The following GRB10 variants were observed in gnomAD, a reference collection of about 807,000 sequenced individuals.
GRB10 encodes the protein growth factor receptor-bound protein 10.
Under a neutral mutation model 80.9 loss-of-function variants are expected in GRB10, and 20 were observed. The observed-to-expected ratio is 0.25, with a 90% CI of 0.17 to 0.36. The LOEUF is 0.36. GRB10 is among the 10% of genes least tolerant of loss of function. The pLI is 1.00. For synonymous variants in GRB10, 291 were observed against 291.5 expected, an observed-to-expected ratio of 1.00 and a Z score of 0.02; for missense variants, 548 against 747.7, an observed-to-expected ratio of 0.73 and a Z score of 3.12.
chr7:50,598,438 T>C (rs1163834907), intron 17 of GRB10, among the ~76,000 whole-genome samples: 1 of 152,136 alleles, frequency 6.6e-6, no homozygotes, highest in East Asian at 1.9e-4. Context: ...TAAGAATCGA[T>C]GCTAGGGATG....
At chr7:50,640,769 G>A (rs1455535670) in intron 7 of GRB10, among the ~76,000 whole-genome samples, 1 of 152,164 alleles carries the variant, frequency 6.6e-6, no homozygotes, top group African/African-American at 2.4e-5. Flanking sequence ...AGGAGTATGA[G>A]CTGAAGTTTT....
chr7:50,595,748 T>G, intron 17 of GRB10: 1 of 509,306 alleles, frequency 2.0e-6, no homozygotes, highest in Non-Finnish European at 3.6e-6. Context: ...TCATTCTCCA[T>G]TGGAAAAAAG....
chr7:50,792,873 C>G (rs1231792626), intron 1 of GRB10: 1 of 149,050 alleles, frequency 6.7e-6, no homozygotes, highest in African/African-American at 2.4e-5. Flanking sequence ...CCGCCGGCGT[C>G]TGACAAGATG....
chr7:50,665,293 G>C (rs140319821), intron 7 of GRB10, among the ~76,000 whole-genome samples: 3 of 152,222 alleles, frequency 2.0e-5, no homozygotes, highest in Non-Finnish European at 4.4e-5. Flanking sequence ...TCAGGTAAAC[G>C]CAAGACCAAT....
chr7:50,684,076 G>A (rs1221879727), intron 5 of GRB10, among the ~76,000 whole-genome samples: 6 of 152,060 alleles, frequency 3.9e-5, no homozygotes, highest in African/African-American at 7.2e-5. Flanking sequence ...GCAAAGTGCC[G>A]CCGCCAGTGG....
At chr7:50,645,696 A>C in intron 7 of GRB10, 1 of 831,476 alleles carries the variant, frequency 1.2e-6, no homozygotes, top group Non-Finnish European at 1.5e-6. Context: ...GGGTCTGTCC[A>C]TTTGCTCCCA....
chr7:50,647,394 C>T (rs2057354076), intron 7 of GRB10, among the ~76,000 whole-genome samples: 2 of 152,258 alleles, frequency 1.3e-5, no homozygotes, highest in Non-Finnish European at 2.9e-5. Context: ...TCAGATTGGC[C>T]GAACCTTTTC....
intron 3 of GRB10, among the ~76,000 whole-genome samples, chr7:50,745,607 T>C (rs2072756432): frequency 1.3e-5 from 2 of 152,232 alleles, no homozygotes; most frequent in Admixed American, 1.3e-4. Context: ...CTTTGCCGCC[T>C]AAAAATAGTG....
At chr7:50,607,226 C>T (rs1166069779) in intron 13 of GRB10, among the ~76,000 whole-genome samples, 1 of 152,198 alleles carries the variant, frequency 6.6e-6, no homozygotes, top group East Asian at 1.9e-4. Flanking sequence ...TAATTTTATG[C>T]AGTTCTGAGG....
chr7:50,792,502 T>A, intron 1 of GRB10: 1 of 398,426 alleles, frequency 2.5e-6, no homozygotes, highest in Non-Finnish European at 4.4e-6. Context: ...GGAGAGGCAA[T>A]CAGCAAAGGC....
At chr7:50,617,785 C>T (rs2050927388) in intron 10 of GRB10, 3 of 505,624 alleles carry the variant, frequency 5.9e-6, no homozygotes, top group Non-Finnish European at 7.1e-6. Context: ...CCCCCTGGCC[C>T]ACACTCAGCA....
chr7:50,776,020 G>T (rs1026277611), intron 2 of GRB10, among the ~76,000 whole-genome samples: 8 of 152,176 alleles, frequency 5.3e-5, no homozygotes, highest in African/African-American at 1.9e-4. Flanking sequence ...GCCTCTGATG[G>T]GAGGGGCAGC....
At chr7:50,650,759 G>A (rs1403604910) in intron 7 of GRB10, among the ~76,000 whole-genome samples, 2 of 152,188 alleles carry the variant, frequency 1.3e-5, no homozygotes, top group Admixed American at 6.5e-5. Flanking sequence ...TACGACACCA[G>A]GTGAGAAGTT....
At chr7:50,764,802 G>A (rs1296649687) in intron 2 of GRB10, among the ~76,000 whole-genome samples, 1 of 152,206 alleles carries the variant, frequency 6.6e-6, no homozygotes, top group Non-Finnish European at 1.5e-5. Context: ...AGGAGGCAAA[G>A]AGCTAAGCAC....
At chr7:50,728,103 C>T (rs902237172) in intron 4 of GRB10, among the ~76,000 whole-genome samples, 3 of 152,012 alleles carry the variant, frequency 2.0e-5, no homozygotes, top group African/African-American at 7.2e-5. Context: ...TAAAGAGAGA[C>T]ATTTCAAATG....
upstream of GRB10, among the ~76,000 whole-genome samples, chr7:50,787,554 C>CA (rs1034283830): frequency 6.6e-6 from 1 of 152,198 alleles, no homozygotes; most frequent in African/African-American, 2.4e-5. Context: ...AGCAGGGGGA[C>CA]AGTGCCCTGG....
chr7:50,718,017 G>A (rs753752896), intron 4 of GRB10, among the ~76,000 whole-genome samples: 2 of 152,224 alleles, frequency 1.3e-5, no homozygotes, highest in Admixed American at 6.5e-5. Context: ...AGGGCCCTGG[G>A]CGCCCAGCAA....
intron 7 of GRB10, among the ~76,000 whole-genome samples, chr7:50,638,604 A>G (rs1023697505): frequency 3.3e-5 from 5 of 152,226 alleles, no homozygotes; most frequent in East Asian, 1.9e-4. Flanking sequence ...AGATGTTGAC[A>G]TAAGTGTGGA....
intron 7 of GRB10, among the ~76,000 whole-genome samples, chr7:50,647,493 G>A (rs551989300): frequency 3.3e-5 from 5 of 152,198 alleles, no homozygotes; most frequent in Non-Finnish European, 5.9e-5. Context: ...AACCTTCTCC[G>A]TGCCAGGCAC....
Sources: gnomAD v4.1 joint callset for allele counts (sites outside exome capture counted in the v4.1 genomes callset) on GRCh38, gnomAD v4.1.1 for gene constraint, MANE v1.5 for transcripts, NCBI Gene and HGNC (gene_info 2026-07-23, HGNC 2026-07-21) for gene names.